The following LDHAL6A variants were observed in gnomAD, a reference collection of about 807,000 sequenced individuals.
LDHAL6A encodes lactate dehydrogenase A like 6A, also known as L-lactate dehydrogenase A-like 6A.
LDHAL6A carries 19 observed loss-of-function variants against 28.2 expected under a neutral mutation model. The observed-to-expected ratio is 0.67, with a 90% CI of 0.47 to 0.99. The LOEUF is 0.99. Among genes scored for constraint, LDHAL6A ranks in the 50% least tolerant of loss-of-function variants. The pLI is 0.00. For missense variants in LDHAL6A, 372 were observed against 398.6 expected, an observed-to-expected ratio of 0.93 and a Z score of 0.57; for synonymous variants, 144 against 134.4, an observed-to-expected ratio of 1.07 and a Z score of -0.49.
At position 18,464,372 on chromosome 11, in the gene LDHAL6A, T is replaced by G. The variant is rs565733734; in HGVS notation, c.244+294T>G. ...CCAAGCACTTTATATAATTTAATCCTGAGCACAACTCTATTTTAGAGATGA... is the reference window on the plus strand; with the variant it reads ...CCAAGCACTTTATATAATTTAATCCGGAGCACAACTCTATTTTAGAGATGA... On this transcript the variant is annotated intron_variant, in intron 2 of 6. Transcript: ENST00000280706. 8.9e-4 allele frequency among the ~76,000 whole-genome samples: 135 copies of G among 152,332 alleles called. 1 individual carries two copies. The highest frequency in any genetic ancestry group is 3.4e-3 in the Middle Eastern group (1 of 294).
chr11:18,469,341 T>C (rs1043737725), intron 3 of LDHAL6A: 3 of 424,184 alleles, frequency 7.1e-6, no homozygotes, highest in African/African-American at 2.0e-5. Flanking sequence ...GATAACAAAT[T>C]AGGAAAAACA....
At chr11:18,469,875 T>G (rs779277083) in intron 3 of LDHAL6A, among the ~76,000 whole-genome samples, 15 of 152,194 alleles carry the variant, frequency 9.9e-5, no homozygotes, top group Non-Finnish European at 2.1e-4. Context: ...AAATTAGTAT[T>G]AAGCTACCAA....
intron 1 of LDHAL6A, among the ~76,000 whole-genome samples, chr11:18,458,558 T>C (rs1231017139): frequency 6.6e-6 from 1 of 152,204 alleles, no homozygotes; most frequent in Non-Finnish European, 1.5e-5. Flanking sequence ...TAAGGCTCAC[T>C]TTAATCTTTC....
In LDHAL6A at chr11:18,478,907, ATAG is replaced by A. The variant is rs759788849; in HGVS notation, c.*42_*44del. 8 of 1,521,222 alleles carry A rather than the reference ATAG, an allele frequency of 5.3e-6. No homozygotes were observed. The highest frequency in any genetic ancestry group is 1.4e-5 in the African/African-American group (1 of 72,070). 94.2% of individuals were successfully genotyped at this position (1,521,222 alleles called of 1,614,324 possible). A position where few individuals can be genotyped will look rare whatever the true frequency, so the allele number is the denominator to read the frequency against. On this transcript the variant is annotated 3_prime_UTR_variant, in exon 7 of 7. Coordinates refer to ENST00000280706, the MANE Select transcript of LDHAL6A (RefSeq NM_144972.5). ...GCTAATTCTGTAGATTGAAGATGAA[ATAG>A]TAGTTATGGAATTGTATATGTCAAA...
chr11:18,472,582 C>T (rs964318704), intron 3 of LDHAL6A, among the ~76,000 whole-genome samples: 3 of 152,126 alleles, frequency 2.0e-5, no homozygotes, highest in African/African-American at 4.8e-5. Flanking sequence ...ATGTCCTTCA[C>T]AGAGATCCAC....
Position 18,478,737 on chromosome 11 carries a change from T to A in LDHAL6A, c.866T>A (p.Leu289His). ...GLYGINEDIFLSVPCILGENG... is the reference protein window; with the variant it reads ...GLYGINEDIFHSVPCILGENG... ...TATGGAATAAATGAAGACATATTCC[T>A]TAGTGTCCCATGTATCCTGGGAGAG... The change falls in exon 7 of 7, where the codon CTT becomes CAT. Residue 289 changes from leucine (L) to histidine (H), a missense_variant. Transcript: ENST00000280706. The A allele has an allele frequency of 1.2e-6, 2 of 1,611,586 alleles. No homozygotes were observed. The highest frequency in any genetic ancestry group is 1.1e-5 in the South Asian group (1 of 90,876).
chr11:18,465,809 A>C lies in LDHAL6A; in HGVS notation c.417A>C (p.Pro139=). ...GCAAACTGCTTATTGTTACTAATCC[A>C]GGTCAGCTTTGTTGTTTTAAATTTT... ...PHCKLLIVTN[P]VDILTYVAWK... Residue 139 remains proline, a splice_region_variant and synonymous_variant, in exon 3 of 7, where the codon CCA becomes CCC. Coordinates refer to ENST00000280706, the MANE Select transcript of LDHAL6A (RefSeq NM_144972.5). 6 of 1,610,016 alleles carry C rather than the reference A, an allele frequency of 3.7e-6. No homozygotes were observed. The highest frequency in any genetic ancestry group is 5.1e-6 in the Non-Finnish European group (6 of 1,177,770).
rs549861547 is a variant in LDHAL6A at position 18,468,978 on chromosome 11, T to C, written c.418+3168T>C. The C allele has an allele frequency of 1.8e-5, 7 of 389,168 alleles. No individual in the cohort carries two copies. The South Asian group carries it at 8.0e-4, about 45-fold the overall frequency. 24.1% of individuals were successfully genotyped at this position (389,168 alleles called of 1,614,324 possible). A position where few individuals can be genotyped will look rare whatever the true frequency, so the allele number is the denominator to read the frequency against. On this transcript the variant is annotated intron_variant, in intron 3 of 6. Transcript: ENST00000280706. ...AAATACCAAATCCAAAATTCAGAAA[T>C]GGTAGTCCGGCGCTACAAGGAAGCA...
intron 2 of LDHAL6A, among the ~76,000 whole-genome samples, chr11:18,464,982 T>TTTG (rs1565068721): frequency 2.9e-5 from 4 of 136,942 alleles, no homozygotes; most frequent in East Asian, 2.0e-4. Flanking sequence ...TTTTTGTTTT[T>TTTG]TTTTGTTTTG....
At chr11:18,469,206 A>G in intron 3 of LDHAL6A, 1 of 638,774 alleles carries the variant, frequency 1.6e-6, no homozygotes, top group Non-Finnish European at 2.8e-6. Context: ...CTAACCGTTC[A>G]GGGCACTGAA....
chr11:18,468,259 T>A (rs1165416234), intron 3 of LDHAL6A: 1 of 151,366 alleles, frequency 6.6e-6, no homozygotes, highest in East Asian at 1.9e-4. Context: ...TGTAACAGTT[T>A]GACTATGATG....
chr11:18,460,332 C>G (rs1333077189), intron 1 of LDHAL6A, among the ~76,000 whole-genome samples: 1 of 152,006 alleles, frequency 6.6e-6, no homozygotes, highest in African/African-American at 2.4e-5. Flanking sequence ...TGGCTCACAC[C>G]TGTAATCCCA....
intron 1 of LDHAL6A, among the ~76,000 whole-genome samples, chr11:18,460,659 C>A (rs1391530896): frequency 1.3e-5 from 2 of 151,296 alleles, no homozygotes; most frequent in African/African-American, 4.9e-5. Context: ...ACTTGGGAGG[C>A]TGAGGCAGGA....
chr11:18,479,005 T>G lies in LDHAL6A; in HGVS notation c.*135T>G. 1 of 741,684 alleles carries G rather than the reference T, an allele frequency of 1.3e-6. No homozygotes were observed. The highest frequency in any genetic ancestry group is 2.1e-6 in the Non-Finnish European group (1 of 467,650). 45.9% of individuals were successfully genotyped at this position (741,684 alleles called of 1,614,324 possible). ...AAGAGTGACCTATTTAGTATAGCCT[T>G]CCAGCTTTTTTTTTTTTCTTTTTTG... On this transcript the variant is annotated 3_prime_UTR_variant, in exon 7 of 7. Coordinates refer to ENST00000280706, the MANE Select transcript of LDHAL6A (RefSeq NM_144972.5).
chr11:18,478,079 C>T (rs987253029), intron 6 of LDHAL6A, among the ~76,000 whole-genome samples: 6 of 152,138 alleles, frequency 3.9e-5, no homozygotes, highest in African/African-American at 1.4e-4. Flanking sequence ...CTTACAGTTT[C>T]AGTTATGTCC....
In LDHAL6A at chr11:18,464,181, G is replaced by A; in HGVS notation, c.244+103G>A. 3 of 779,942 alleles carry A rather than the reference G, an allele frequency of 3.8e-6. No individual in the cohort carries two copies. The Admixed American group carries it at 6.2e-5, about 16-fold the overall frequency. The allele number at this position is 779,942 out of a possible 1,614,324, so 48.3% of individuals were successfully genotyped here. A position where few individuals can be genotyped will look rare whatever the true frequency, so the allele number is the denominator to read the frequency against. ...TGACCTCCCCAGTTTTTATAGATAA[G>A]GCTGGTTGCTCCCTACTCTGTACTC... On this transcript the variant is annotated intron_variant, in intron 2 of 6. Transcript: ENST00000280706.
intron 3 of LDHAL6A, among the ~76,000 whole-genome samples, chr11:18,474,537 C>T (rs566820658): frequency 1.3e-5 from 2 of 152,246 alleles, no homozygotes; most frequent in South Asian, 2.1e-4. Context: ...CAGGCGCGCA[C>T]CACCATGCCT....
chr11:18,469,107 G>T, intron 3 of LDHAL6A: 1 of 479,098 alleles, frequency 2.1e-6, no homozygotes. Flanking sequence ...GAAATGTCAC[G>T]GTGTCATTTT....
chr11:18,477,052 AAAAAAAT>A (rs1849400156), intron 5 of LDHAL6A, among the ~76,000 whole-genome samples: 1 of 151,828 alleles, frequency 6.6e-6, no homozygotes, highest in African/African-American at 2.4e-5. Flanking sequence ...TATCTCTACA[AAAAAAAT>A]AAAAAATTAG....
Sources: allele counts gnomAD v4.1 joint callset (sites outside exome capture counted in the v4.1 genomes callset), GRCh38; gene constraint gnomAD v4.1.1; transcripts MANE v1.5; gene names NCBI Gene and HGNC (gene_info 2026-07-23, HGNC 2026-07-21).